The following SMAP1 variants were observed in gnomAD, a reference collection of about 807,000 sequenced individuals.
SMAP1 encodes small ArfGAP 1, also known as stromal membrane-associated protein 1.
In SMAP1, 24 loss-of-function variants were observed where a neutral mutation model predicts 58.5. The ratio of observed to expected loss-of-function variants is 0.41; its 90% CI spans 0.30 to 0.58. SMAP1 has a LOEUF of 0.58. Ranked by LOEUF, SMAP1 falls within the 20% of genes least tolerant of loss-of-function variation. The pLI, the probability that SMAP1 is intolerant of heterozygous loss-of-function variation, is 0.29. For missense variants in SMAP1, 563 were observed against 566.3 expected (o/e 0.99, Z 0.06); for synonymous variants, 216 against 196.6 (o/e 1.10, Z -0.82).
At position 70,860,414 on chromosome 6, in the gene SMAP1, A is replaced by G. The variant is rs1269215774; in HGVS notation, c.*80A>G. 12 of 1,501,500 alleles carry G rather than the reference A, an allele frequency of 8.0e-6. No homozygotes were observed. Among genetic ancestry groups the G allele is most frequent in the Non-Finnish European group, 8.9e-6 (10 of 1,119,252 alleles). 93.0% of individuals were successfully genotyped at this position (1,501,500 alleles called of 1,614,324 possible). A position where few individuals can be genotyped will look rare whatever the true frequency, so the allele number is the denominator to read the frequency against. On this transcript the variant is annotated 3_prime_UTR_variant, in exon 11 of 11. Coordinates refer to ENST00000370455, the MANE Select transcript of SMAP1 (RefSeq NM_001044305.3). Reference sequence around the variant, plus strand: ...GCATCTAGTTCCCCTGTTTATTCATATGCATATTTTTTTTCTTTTTACCCA... The same window carrying G: ...GCATCTAGTTCCCCTGTTTATTCATGTGCATATTTTTTTTCTTTTTACCCA...
intron 6 of SMAP1, among the ~76,000 whole-genome samples, chr6:70,826,307 C>T (rs966508459): frequency 7.2e-5 from 11 of 152,044 alleles, no homozygotes; most frequent in South Asian, 2.1e-4. Context: ...GATGGGCTCA[C>T]GTCTTGATTT....
At chr6:70,778,684 TCCCC>T (rs1314450326) in intron 4 of SMAP1, among the ~76,000 whole-genome samples, 1 of 152,120 alleles carries the variant, frequency 6.6e-6, no homozygotes, top group Non-Finnish European at 1.5e-5. Context: ...GGTTCTTGGG[TCCCC>T]AGGTGGAGGA....
Position 70,672,804 on chromosome 6 carries a change from C to T in SMAP1, c.118+4663C>T, listed in dbSNP as rs542632075. 6.6e-5 allele frequency among the ~76,000 whole-genome samples: 10 copies of T among 152,064 alleles called. No homozygotes were observed. The Middle Eastern group carries it at 0.01, about 155-fold the overall frequency. On this transcript the variant is annotated intron_variant, in intron 1 of 10. Transcript: ENST00000370455. ...TGGGACCAGTCACAGAAGGAGTCTT[C>T]ATTTGAGCTAGGTTCTGAAGGTGGA...
At chr6:70,772,814 A>G (rs148428426) in intron 3 of SMAP1, 2 of 152,602 alleles carry the variant, frequency 1.3e-5, no homozygotes, top group South Asian at 2.1e-4. Context: ...GACAGCATAT[A>G]TAGTGGAAAA....
At chr6:70,716,070 C>G (rs1208148491) in intron 1 of SMAP1, among the ~76,000 whole-genome samples, 3 of 152,212 alleles carry the variant, frequency 2.0e-5, no homozygotes, top group Non-Finnish European at 1.5e-5. Context: ...TTAATTCATT[C>G]CTTTCTATGG....
chr6:70,729,531 A>G (rs1219595280), intron 1 of SMAP1, among the ~76,000 whole-genome samples: 1 of 148,754 alleles, frequency 6.7e-6, no homozygotes, highest in Non-Finnish European at 1.5e-5. Flanking sequence ...TTAGTCCTAT[A>G]TTCTAAATCG....
intron 4 of SMAP1, among the ~76,000 whole-genome samples, chr6:70,778,549 G>A (rs1767634411): frequency 6.6e-6 from 1 of 152,190 alleles, no homozygotes; most frequent in Non-Finnish European, 1.5e-5. Context: ...TGCATGCTTG[G>A]GATAAATCCC....
At position 70,858,108 on chromosome 6, in the gene SMAP1, G is replaced by C. The variant is rs1317299130; in HGVS notation, c.1148G>C (p.Gly383Ala). The C allele has an allele frequency of 1.8e-5, 29 of 1,614,050 alleles. No homozygotes were observed. The highest frequency in any genetic ancestry group is 2.4e-5 in the Non-Finnish European group (28 of 1,179,994). The change falls in exon 10 of 11, where the codon GGT becomes GCT. Residue 383 changes from glycine to alanine, a missense_variant. Gly to Ala is a moderately conservative substitution (Grantham distance 60). Coordinates refer to ENST00000370455, the MANE Select transcript of SMAP1 (RefSeq NM_001044305.3). ...GGGTTTATGGGAAATGCACAAACTG[G>C]TGTGATGCCACTTCCTCAGAACGTT... Reference protein sequence around the residue: ...PNGFMGNAQTGVMPLPQNVVG... With the variant: ...PNGFMGNAQTAVMPLPQNVVG...
rs1771134562 is a variant in SMAP1, at chr6:70,850,288, T to G, written c.665-2252T>G. Among the ~76,000 whole-genome samples the G allele has an allele frequency of 4.6e-5, 7 of 152,282 alleles. No homozygotes were observed. The South Asian group carries it at 1.4e-3, about 32-fold the overall frequency. On this transcript the variant is annotated intron_variant, in intron 7 of 10. Transcript: ENST00000370455. ...ATGTGCTGTGGTAAAAAGCAATTGA[T>G]AGTATTTTCTCAGTTTGCCAAAAAA...
chr6:70,720,589 C>T (rs989935612), intron 1 of SMAP1, among the ~76,000 whole-genome samples: 2 of 152,256 alleles, frequency 1.3e-5, no homozygotes, highest in African/African-American at 2.4e-5. Flanking sequence ...GACCCTGCCC[C>T]TGCAGCAAAC....
At chr6:70,814,628 G>T in intron 6 of SMAP1, among the ~76,000 whole-genome samples, 1 of 152,000 alleles carries the variant, frequency 6.6e-6, no homozygotes, top group Middle Eastern at 3.4e-3. Flanking sequence ...ATCTGATTTC[G>T]TCCTGCCTAC....
chr6:70,725,208 C>T (rs1283283547), intron 1 of SMAP1, among the ~76,000 whole-genome samples: 2 of 142,042 alleles, frequency 1.4e-5, no homozygotes, highest in African/African-American at 5.2e-5. Context: ...GCTCTGCCTC[C>T]CGGGTTCACA....
At chr6:70,697,926 T>C (rs1169782263) in intron 1 of SMAP1, among the ~76,000 whole-genome samples, 2 of 152,240 alleles carry the variant, frequency 1.3e-5, no homozygotes, top group African/African-American at 2.4e-5. Context: ...ACTCAAGATA[T>C]GAACAGTTTA....
rs545208858 is a variant in SMAP1, at chr6:70,837,740, G to A, written c.664+712G>A. 120 of 1,147,854 alleles carry A rather than the reference G, an allele frequency of 1.0e-4. 1 individual carries two copies. In the African/African-American group the frequency reaches 1.7e-3, roughly 17 times the overall value. The allele number at this position is 1,147,854 out of a possible 1,614,324, so 71.1% of individuals were successfully genotyped here. On this transcript the variant is annotated intron_variant, in intron 7 of 10. Transcript: ENST00000370455. ...AAAGGTTACTTTTAGTAATACCTGAGCCTTGGCACAGGAATAATTTAAATT... is the reference window on the plus strand; with the variant it reads ...AAAGGTTACTTTTAGTAATACCTGAACCTTGGCACAGGAATAATTTAAATT...
intron 3 of SMAP1, among the ~76,000 whole-genome samples, chr6:70,763,492 A>G (rs1006268017): frequency 3.3e-5 from 5 of 152,142 alleles, no homozygotes; most frequent in African/African-American, 9.7e-5. Context: ...ATTAACACCT[A>G]CAGTAGCTTC....
At chr6:70,792,068 T>A (rs1001508711) in intron 5 of SMAP1, among the ~76,000 whole-genome samples, 2 of 152,014 alleles carry the variant, frequency 1.3e-5, no homozygotes, top group East Asian at 1.9e-4. Context: ...AACGTTTTTT[T>A]AAAAAAAATT....
At chr6:70,826,393 ATT>A (rs5877261) in intron 6 of SMAP1, among the ~76,000 whole-genome samples, 3 of 144,928 alleles carry the variant, frequency 2.1e-5, no homozygotes, top group African/African-American at 5.0e-5. Context: ...ATTCAAAAGG[ATT>A]TTTTTTTTTT....
intron 1 of SMAP1, among the ~76,000 whole-genome samples, chr6:70,713,276 T>G (rs769370667): frequency 1.3e-5 from 2 of 152,202 alleles, no homozygotes; most frequent in Non-Finnish European, 2.9e-5. Context: ...TTGATTTATC[T>G]GTGTTTTTTT....
chr6:70,843,676 C>G (rs775354979), intron 7 of SMAP1, among the ~76,000 whole-genome samples: 2 of 152,160 alleles, frequency 1.3e-5, no homozygotes, highest in African/African-American at 2.4e-5. Flanking sequence ...TTCATCAAAT[C>G]AATAGATGGC....
Sources: gnomAD v4.1 joint callset for allele counts (sites outside exome capture counted in the v4.1 genomes callset) on GRCh38, gnomAD v4.1.1 for gene constraint, MANE v1.5 for transcripts, NCBI Gene and HGNC (gene_info 2026-07-23, HGNC 2026-07-21) for gene names.